The following CRB1 variants were observed in gnomAD, a reference collection of about 807,000 sequenced individuals.
CRB1 encodes protein crumbs homolog 1.
A neutral mutation model predicts 120.0 loss-of-function variants in CRB1; 83 were observed. The observed-to-expected ratio is 0.69, with a 90% CI of 0.58 to 0.83. The LOEUF is 0.83. Ranked by LOEUF, CRB1 falls within the 40% of genes least tolerant of loss-of-function variation. CRB1 has a pLI of 0.00. For synonymous variants in CRB1, 625 were observed against 612.5 expected, an observed-to-expected ratio of 1.02 and a Z score of -0.30; for missense variants, 1,699 against 1,687.6, an observed-to-expected ratio of 1.01 and a Z score of -0.12.
chr1:197,252,582 A>ATATATATG, the CRB1 span, among the ~76,000 whole-genome samples: 21 of 15,498 alleles, frequency 1.4e-3, no homozygotes, highest in Admixed American at 3.4e-3. Flanking sequence ...ATATATATAT[A>ATATATATG]TGTGTGTGTG....
chr1:197,302,351 A>C (rs139594318), intron 1 of CRB1, among the ~76,000 whole-genome samples: 2 of 152,230 alleles, frequency 1.3e-5, no homozygotes, highest in African/African-American at 4.8e-5. Flanking sequence ...TTAATAGACT[A>C]CAGTATAGTG....
intron 5 of CRB1, among the ~76,000 whole-genome samples, chr1:197,407,154 G>A (rs1663454015): frequency 6.6e-6 from 1 of 152,184 alleles, no homozygotes; most frequent in African/African-American, 2.4e-5. Context: ...AAGAAAGAAT[G>A]AAGTGGAAAA....
At chr1:197,232,508 C>T in the CRB1 span, among the ~76,000 whole-genome samples, 1 of 152,114 alleles carries the variant, frequency 6.6e-6, no homozygotes, top group African/African-American at 2.4e-5. Flanking sequence ...ATGACCAGAA[C>T]ATGGTGTCCT....
intron 3 of CRB1, among the ~76,000 whole-genome samples, chr1:197,345,048 A>C (rs752940856): frequency 6.6e-6 from 1 of 152,242 alleles, no homozygotes; most frequent in Admixed American, 6.5e-5. Flanking sequence ...GAACAGCAAT[A>C]AATTACATCT....
At chr1:197,208,149 A>G in the CRB1 span, among the ~76,000 whole-genome samples, 2 of 152,036 alleles carry the variant, frequency 1.3e-5, no homozygotes, top group Admixed American at 1.3e-4. Flanking sequence ...ATAATTCACT[A>G]AGTTGGACTT....
At chr1:197,280,176 G>A (rs866196157) in intron 1 of CRB1, among the ~76,000 whole-genome samples, 1 of 151,744 alleles carries the variant, frequency 6.6e-6, no homozygotes, top group Middle Eastern at 3.2e-3. Context: ...AAAACTTTTG[G>A]TCCTTCTGAA....
chr1:197,293,976 G>C (rs1656358218), intron 1 of CRB1, among the ~76,000 whole-genome samples: 2 of 152,076 alleles, frequency 1.3e-5, no homozygotes, highest in South Asian at 4.1e-4. Flanking sequence ...GAAAACTTAG[G>C]CAATACCATT....
At chr1:197,298,690 G>T (rs1351346602) in intron 1 of CRB1, among the ~76,000 whole-genome samples, 1 of 151,966 alleles carries the variant, frequency 6.6e-6, no homozygotes. Context: ...TTGGCTCAAG[G>T]GGTAAATATA....
chr1:197,214,682 T>C, the CRB1 span, among the ~76,000 whole-genome samples: 18 of 152,174 alleles, frequency 1.2e-4, no homozygotes, highest in African/African-American at 4.3e-4. Flanking sequence ...GTTGAATTAG[T>C]AATGAAAAAC....
the CRB1 span, among the ~76,000 whole-genome samples, chr1:197,249,004 C>T: frequency 6.6e-6 from 1 of 151,882 alleles, no homozygotes. Context: ...CTCTCAGCCA[C>T]CCAAGTGTTC....
intron 2 of CRB1, among the ~76,000 whole-genome samples, chr1:197,335,190 G>T (rs1659082815): frequency 6.6e-6 from 1 of 152,194 alleles, no homozygotes; most frequent in African/African-American, 2.4e-5. Context: ...TGACTGGAGT[G>T]AAGGAGGAAG....
intron 1 of CRB1, among the ~76,000 whole-genome samples, chr1:197,270,751 G>A (rs576238615): frequency 2.9e-4 from 44 of 152,268 alleles, no homozygotes; most frequent in Non-Finnish European, 4.9e-4. Flanking sequence ...CTAGTGAATG[G>A]TAGATCTGGA....
At chr1:197,321,727 A>G (rs1359351005) in intron 1 of CRB1, among the ~76,000 whole-genome samples, 2 of 152,232 alleles carry the variant, frequency 1.3e-5, no homozygotes, top group Non-Finnish European at 2.9e-5. Flanking sequence ...TTTAGGTTGC[A>G]TATAGATAAG....
At chr1:197,392,179 A>G (rs949646760) in intron 5 of CRB1, among the ~76,000 whole-genome samples, 1 of 151,724 alleles carries the variant, frequency 6.6e-6, no homozygotes, top group East Asian at 1.9e-4. Flanking sequence ...TTTGGTCCTT[A>G]CTCTACACTT....
chr1:197,401,016 T>C (rs907144387), intron 5 of CRB1, among the ~76,000 whole-genome samples: 6 of 152,096 alleles, frequency 3.9e-5, no homozygotes, highest in African/African-American at 1.4e-4. Context: ...TGAAATTATA[T>C]TATATATAGT....
the CRB1 span, among the ~76,000 whole-genome samples, chr1:197,256,442 T>C: frequency 1.3e-5 from 2 of 152,100 alleles, no homozygotes; most frequent in African/African-American, 4.8e-5. Context: ...AATTTATATA[T>C]GTAACTCAGA....
At position 197,437,111 on chromosome 1, in the gene CRB1, G is replaced by A. The variant is rs556542079; in HGVS notation, c.3750-1436G>A. On this transcript the variant is annotated intron_variant, in intron 9 of 11. Transcript: ENST00000367400. ...CTAAATAATTGAGTCATTATGGGGAGGTGAGAGGGTTATTATTAACAAGTA... is the reference window on the plus strand; with the variant it reads ...CTAAATAATTGAGTCATTATGGGGAAGTGAGAGGGTTATTATTAACAAGTA... Among the ~76,000 whole-genome samples the A allele has an allele frequency of 3.4e-4, 52 of 152,202 alleles. No homozygotes were observed. The South Asian group carries it at 1.0e-2, about 29-fold the overall frequency.
At chr1:197,237,540 A>G in the CRB1 span, among the ~76,000 whole-genome samples, 1 of 152,224 alleles carries the variant, frequency 6.6e-6, no homozygotes, top group Non-Finnish European at 1.5e-5. Context: ...GGAGGGACAC[A>G]AACATTCAGA....
At chr1:197,314,179 C>T (rs1657712305) in intron 1 of CRB1, among the ~76,000 whole-genome samples, 1 of 152,166 alleles carries the variant, frequency 6.6e-6, no homozygotes, top group Non-Finnish European at 1.5e-5. Flanking sequence ...GGAATTATCC[C>T]ACAGATCACT....
Sources: gnomAD v4.1 joint callset for allele counts (sites outside exome capture counted in the v4.1 genomes callset) on GRCh38, gnomAD v4.1.1 for gene constraint, MANE v1.5 for transcripts, NCBI Gene and HGNC (gene_info 2026-07-23, HGNC 2026-07-21) for gene names.